LBH: variants seen among roughly 807,000 people sequenced by gnomAD.
The protein encoded by LBH is LBH regulator of Wnt signaling pathway, also known as protein LBH.
LBH carries 7 observed loss-of-function variants against 12.5 expected under a neutral mutation model. The observed-to-expected ratio is 0.56, with a 90% CI of 0.32 to 1.05. LBH has a LOEUF of 1.05. Ranked by LOEUF, LBH falls within the 50% of genes least tolerant of loss-of-function variation. The pLI, the probability that LBH is intolerant of heterozygous loss-of-function variation, is 0.04. For missense variants in LBH, 119 were observed against 138.9 expected (o/e 0.86, Z 0.72); for synonymous variants, 51 against 50.1 (o/e 1.02, Z -0.08).
chr2:30,234,991 T>C (rs1306200335), intron 2 of LBH, among the ~76,000 whole-genome samples: 1 of 152,206 alleles, frequency 6.6e-6, no homozygotes, highest in East Asian at 1.9e-4. Context: ...GGGTTGATTA[T>C]TGACCTGTTG....
intron 2 of LBH, among the ~76,000 whole-genome samples, chr2:30,241,943 T>C (rs1189756553): frequency 6.6e-6 from 1 of 152,222 alleles, no homozygotes; most frequent in Middle Eastern, 3.2e-3. Flanking sequence ...ATCAGCACTC[T>C]ATTGTGATGA....
Position 30,231,621 on chromosome 2 carries a change from C to T in LBH, c.-118C>T, listed in dbSNP as rs982725514. ...CTGTCCTGGGAAGGCGGACGGCGAG[C>T]GCCCGGTGTCCGCACTCGGCCGCCT... On this transcript the variant is annotated 5_prime_UTR_variant, in exon 1 of 3. Transcript: ENST00000395323. 4.1e-6 allele frequency: 4 copies of T among 982,840 alleles called. No individual in the cohort carries two copies. Among genetic ancestry groups the T allele is most frequent in the Admixed American group, 2.0e-5 (1 of 51,246 alleles). The allele number at this position is 982,840 out of a possible 1,614,324, so 60.9% of individuals were successfully genotyped here.
At chr2:30,256,115 G>A (rs1413349917) in intron 2 of LBH, among the ~76,000 whole-genome samples, 1 of 152,188 alleles carries the variant, frequency 6.6e-6, no homozygotes, top group Non-Finnish European at 1.5e-5. Context: ...CAGCCCAGCG[G>A]ATTAAGTACT....
At chr2:30,234,288 G>T in intron 1 of LBH, 117 bp from the exon 2 acceptor site, 1 of 808,276 alleles carries the variant, frequency 1.2e-6, no homozygotes, top group South Asian at 1.6e-5. Flanking sequence ...GTTCTGTTTT[G>T]AACACCTCTC....
rs927681618 is a variant in LBH, at chr2:30,232,052, TC to T, written c.26+295del. The T allele has an allele frequency of 7.7e-5, 109 of 1,423,182 alleles. No individual in the cohort carries two copies. In the African/African-American group the frequency reaches 1.3e-3, roughly 17 times the overall value. 88.2% of individuals were successfully genotyped at this position (1,423,182 alleles called of 1,614,324 possible). A position where few individuals can be genotyped will look rare whatever the true frequency, so the allele number is the denominator to read the frequency against. On this transcript the variant is annotated intron_variant, in intron 1 of 2. Transcript: ENST00000395323. ...GGGGGAGCCAGGGGTCACGTGTGAA[TC>T]CCCCCCAATGAAACCACCCTATGCG... is the stretch of plus-strand genomic sequence containing the variant.
intron 2 of LBH, among the ~76,000 whole-genome samples, chr2:30,240,959 G>T (rs1285133043): frequency 1.3e-5 from 2 of 152,222 alleles, no homozygotes; most frequent in African/African-American, 4.8e-5. Context: ...CTAAATTTTA[G>T]TACAGATACA....
Position 30,257,588 on chromosome 2 carries a change from C to T in LBH, c.285C>T (p.Cys95=), listed in dbSNP as rs764308247. The T allele has an allele frequency of 1.2e-5, 20 of 1,613,224 alleles. No homozygotes were observed. The highest frequency in any genetic ancestry group is 2.7e-5 in the African/African-American group (2 of 74,798). Residue 95 remains cysteine, a synonymous_variant, in exon 3 of 3, where the codon TGC becomes TGT. Transcript: ENST00000395323. ...TCCAGGAGGATGAGCAAGATAACTG[C>T]GAAGAGACAGCGAAAGAAAATAAAG... is the stretch of plus-strand genomic sequence containing the variant. ...FLVQEDEQDN[C]EETAKENKEQ
intron 2 of LBH, 50 bp from the exon 3 acceptor site, chr2:30,257,383 C>A (rs1367962883): frequency 5.0e-6 from 8 of 1,594,900 alleles, no homozygotes; most frequent in South Asian, 3.3e-5. Context: ...AATGGAATTT[C>A]TCTTTTCAAA....
At chr2:30,248,707 A>G (rs547402552) in intron 2 of LBH, among the ~76,000 whole-genome samples, 113 of 152,282 alleles carry the variant, frequency 7.4e-4, no homozygotes, top group African/African-American at 2.6e-3. Context: ...GTCTTTTCTC[A>G]CTGCCCCGGA....
At chr2:30,253,245 C>G (rs148946555) in intron 2 of LBH, among the ~76,000 whole-genome samples, 1 of 152,246 alleles carries the variant, frequency 6.6e-6, no homozygotes, top group East Asian at 1.9e-4. Flanking sequence ...TGTTGACCTC[C>G]TTGGGGTCAG....
chr2:30,234,856 T>C (rs968554051), intron 2 of LBH, among the ~76,000 whole-genome samples: 1 of 152,186 alleles, frequency 6.6e-6, no homozygotes, highest in African/African-American at 2.4e-5. Context: ...ATGATTTGTT[T>C]AGTCGATTGA....
chr2:30,232,460 G>C (rs1677608715), intron 1 of LBH: 1 of 472,250 alleles, frequency 2.1e-6, no homozygotes, highest in African/African-American at 2.0e-5. Context: ...CTGGGGATCG[G>C]AGCCGGGAGG....
At chr2:30,233,943 T>C (rs986188776) in intron 1 of LBH, among the ~76,000 whole-genome samples, 6 of 152,078 alleles carry the variant, frequency 3.9e-5, no homozygotes, top group Non-Finnish European at 7.4e-5. Context: ...TGACCTGTTA[T>C]TGTTATTGTG....
chr2:30,237,709 T>C (rs1330048047), intron 2 of LBH, among the ~76,000 whole-genome samples: 1 of 152,214 alleles, frequency 6.6e-6, no homozygotes, highest in Non-Finnish European at 1.5e-5. Flanking sequence ...AAGCCCCAGC[T>C]ACTGGTCCTG....
In LBH at chr2:30,257,489, C is replaced by A. The variant is rs955211097; in HGVS notation, c.186C>A (p.Pro62=). Residue 62 remains proline, a synonymous_variant, in exon 3 of 3, where the codon CCC becomes CCA. Transcript: ENST00000395323. ...DRCCKLKDRL[P]SIVVEPTEGE... Reference sequence around the variant, plus strand: ...GCTGCAAACTGAAGGACCGTCTGCCCTCCATAGTGGTGGAACCCACAGAAG... The same window carrying A: ...GCTGCAAACTGAAGGACCGTCTGCCATCCATAGTGGTGGAACCCACAGAAG... 6.2e-7 allele frequency: 1 copy of A among 1,614,246 alleles called. No homozygotes were observed. Among genetic ancestry groups the A allele is most frequent in the Non-Finnish European group, 8.5e-7 (1 of 1,180,032 alleles).
intron 2 of LBH, among the ~76,000 whole-genome samples, chr2:30,249,170 C>T (rs921830306): frequency 2.6e-5 from 4 of 152,080 alleles, no homozygotes; most frequent in Admixed American, 6.5e-5. Flanking sequence ...TCTTTCTGTT[C>T]TTATTAGCCA....
intron 2 of LBH, among the ~76,000 whole-genome samples, chr2:30,235,420 A>G (rs1000500711): frequency 2.6e-5 from 4 of 152,262 alleles, no homozygotes; most frequent in African/African-American, 9.6e-5. Flanking sequence ...GGTCCGTGCT[A>G]CAGACATGAA....
rs188769272 is a variant in LBH at position 30,239,661 on chromosome 2, C to G, written c.129+5154C>G. 8.5e-5 allele frequency among the ~76,000 whole-genome samples: 13 copies of G among 152,234 alleles called. No individual in the cohort carries two copies. The East Asian group carries it at 2.5e-3, about 30-fold the overall frequency. On this transcript the variant is annotated intron_variant, in intron 2 of 2. Transcript: ENST00000395323. ...TTCTTTTCTCCTATCCCTACTCCCC[C>G]CACCCGCCTCTCTCCTTGACAAAAA...
At chr2:30,234,276 A>AGGGTGTG in intron 1 of LBH, 129 bp from the exon 2 acceptor site, 1 of 730,720 alleles carries the variant, frequency 1.4e-6, no homozygotes, top group Non-Finnish European at 2.4e-6. Flanking sequence ...GTTTTGCTGC[A>AGGGTGTG]AGTTCTGTTT....
Sources: gnomAD v4.1 joint callset for allele counts (sites outside exome capture counted in the v4.1 genomes callset) on GRCh38, gnomAD v4.1.1 for gene constraint, MANE v1.5 for transcripts, NCBI Gene and HGNC (gene_info 2026-07-23, HGNC 2026-07-21) for gene names.